BTBD9: variants seen among roughly 807,000 people sequenced by gnomAD.
BTBD9 encodes BTB domain containing 9.
In BTBD9, 49 loss-of-function variants were observed where a neutral mutation model predicts 64.3. That is an observed-to-expected ratio of 0.76 (90% CI 0.61 to 0.97). The LOEUF is 0.97. Among genes scored for constraint, BTBD9 ranks in the 50% least tolerant of loss-of-function variants. The pLI is 0.00. For missense variants in BTBD9, 598 were observed against 762.1 expected, an observed-to-expected ratio of 0.78 and a Z score of 2.53; for synonymous variants, 260 against 274.7, an observed-to-expected ratio of 0.95 and a Z score of 0.53.
intron 6 of BTBD9, among the ~76,000 whole-genome samples, chr6:38,505,524 A>G (rs990594508): frequency 2.0e-5 from 3 of 151,796 alleles, no homozygotes; most frequent in African/African-American, 7.3e-5. Context: ...CTCAAGAGGC[A>G]GAGGCAGAAG....
intron 8 of BTBD9, 115 bp downstream of exon 8, chr6:38,288,157 G>T: frequency 1.8e-6 from 2 of 1,112,808 alleles, no homozygotes; most frequent in Non-Finnish European, 2.6e-6. Context: ...GATACTTAGA[G>T]CAAAGAACAG....
At chr6:38,537,557 T>C (rs540079737) in intron 6 of BTBD9, among the ~76,000 whole-genome samples, 1 of 152,334 alleles carries the variant, frequency 6.6e-6, no homozygotes, top group South Asian at 2.1e-4. Flanking sequence ...CATATCTCTT[T>C]AATTTTTTAC....
At chr6:38,603,514 G>GA (rs1445044059) in intron 1 of BTBD9, among the ~76,000 whole-genome samples, 6 of 152,300 alleles carry the variant, frequency 3.9e-5, no homozygotes, top group African/African-American at 1.4e-4. Context: ...CCTTAAGGGG[G>GA]AAAAAACCAA....
At chr6:38,179,121 G>C (rs1029479970) in intron 10 of BTBD9, among the ~76,000 whole-genome samples, 1 of 152,152 alleles carries the variant, frequency 6.6e-6, no homozygotes, top group Admixed American at 6.5e-5. Flanking sequence ...AAAGAGCTGG[G>C]ATTACAGGCG....
rs1761388538 is a variant in BTBD9 at position 38,178,572 on chromosome 6, G to A, written c.1642-3390C>T. 2.0e-5 allele frequency among the ~76,000 whole-genome samples: 3 copies of A among 152,296 alleles called. No homozygotes were observed. In the South Asian group the frequency reaches 6.2e-4, roughly 32 times the overall value. The stretch of plus-strand genomic sequence containing the variant: ...GGGACCCAGCCAGGCAGGCGGTCAG[G>A]GAAGGCTTCCTGGGGGAGGAGACAT... On this transcript the variant is annotated intron_variant, in intron 10 of 10. Transcript: ENST00000481247.
At position 38,238,470 on chromosome 6, in the gene BTBD9, G is replaced by GTTTTTTTT. The variant is rs34641170; in HGVS notation, c.1562+17938_1562+17939insAAAAAAAA. ...ACAGTAAGCTGTTGCGGAGACCAAGGTTTTTTGTTTTTTTTTTTTTGAGAC... is the reference window on the plus strand; with the variant it reads ...ACAGTAAGCTGTTGCGGAGACCAAGGTTTTTTTTTTTTTTGTTTTTTTTTTTTTGAGAC... On this transcript the variant is annotated intron_variant, in intron 9 of 10. Coordinates refer to ENST00000481247, the MANE Select transcript of BTBD9 (RefSeq NM_001099272.2). Among the ~76,000 whole-genome samples, 5 of 127,990 alleles carry GTTTTTTTT rather than the reference G, an allele frequency of 3.9e-5. 1 individual carries two copies. Among genetic ancestry groups the GTTTTTTTT allele is most frequent in the Non-Finnish European group, 6.4e-5 (4 of 62,870 alleles). The allele number at this position is 127,990 out of a possible 152,430, so 84.0% of individuals were successfully genotyped here.
intron 8 of BTBD9, among the ~76,000 whole-genome samples, chr6:38,277,454 C>T (rs1012014268): frequency 1.3e-5 from 2 of 152,028 alleles, no homozygotes; most frequent in African/African-American, 2.4e-5. Flanking sequence ...TTGCCTTGGC[C>T]TCCTGAGTAG....
chr6:38,456,150 G>C lies in BTBD9; in HGVS notation c.1155-111057C>G, dbSNP rs189242300. Among the ~76,000 whole-genome samples the C allele has an allele frequency of 1.9e-3, 287 of 151,802 alleles. 4 individuals are homozygous for C. Among genetic ancestry groups the C allele is most frequent in the Non-Finnish European group, 8.7e-4 (59 of 67,972 alleles). ...TTACTGGCATGTGCCACCACGCCCTGCTAATTTTTGTATCTTTAGTAGACA... is the reference window on the plus strand; with the variant it reads ...TTACTGGCATGTGCCACCACGCCCTCCTAATTTTTGTATCTTTAGTAGACA... On this transcript the variant is annotated intron_variant, in intron 6 of 10. Transcript: ENST00000481247.
chr6:38,465,548 A>G (rs1001349590), intron 6 of BTBD9, among the ~76,000 whole-genome samples: 5 of 148,230 alleles, frequency 3.4e-5, no homozygotes, highest in Admixed American at 6.7e-5. Context: ...GGAGAATGGT[A>G]TGAAACCAGG....
At chr6:38,520,763 T>A (rs1314407156) in intron 6 of BTBD9, among the ~76,000 whole-genome samples, 7 of 151,374 alleles carry the variant, frequency 4.6e-5, no homozygotes, top group African/African-American at 1.7e-4. Context: ...AGAGACCACA[T>A]CTCTACTAAA....
chr6:38,615,350 TC>T (rs1389355668), intron 1 of BTBD9, among the ~76,000 whole-genome samples: 1 of 152,330 alleles, frequency 6.6e-6, no homozygotes, highest in East Asian at 1.9e-4. Flanking sequence ...GATCAGTCAC[TC>T]CATTGCTTAA....
At chr6:38,178,986 G>A (rs1761416951) in intron 10 of BTBD9, among the ~76,000 whole-genome samples, 1 of 152,096 alleles carries the variant, frequency 6.6e-6, no homozygotes, top group African/African-American at 2.4e-5. Context: ...CTAAGTAGCT[G>A]AGACTACAGG....
In BTBD9 at chr6:38,318,696, G is replaced by A. The variant is rs887431991; in HGVS notation, c.1264+26288C>T. 4.6e-5 allele frequency among the ~76,000 whole-genome samples: 7 copies of A among 152,324 alleles called. No homozygotes were observed. In the East Asian group the frequency reaches 1.3e-3, roughly 29 times the overall value. On this transcript the variant is annotated intron_variant, in intron 7 of 10. Transcript: ENST00000481247. ...AACACCGCTGTGGCCACCACTATTGGGGCTGTGCTAGGTCAGACCTGAGGC... is the reference window on the plus strand; with the variant it reads ...AACACCGCTGTGGCCACCACTATTGAGGCTGTGCTAGGTCAGACCTGAGGC...
At chr6:38,534,982 C>T (rs754985303) in intron 6 of BTBD9, among the ~76,000 whole-genome samples, 3 of 152,040 alleles carry the variant, frequency 2.0e-5, no homozygotes, top group Non-Finnish European at 4.4e-5. Flanking sequence ...CCCACTTTCA[C>T]CACTGTTATT....
chr6:38,239,860 T>C (rs9296239), intron 9 of BTBD9, among the ~76,000 whole-genome samples: 15,607 of 152,232 alleles, frequency 0.1, 1,196 homozygotes, highest in East Asian at 0.45. Context: ...GCTTATTATA[T>C]AGTATTACAT....
intron 7 of BTBD9, among the ~76,000 whole-genome samples, chr6:38,320,576 T>C (rs1348954128): frequency 6.6e-6 from 1 of 152,172 alleles, no homozygotes; most frequent in Non-Finnish European, 1.5e-5. Context: ...CTAACCTCAC[T>C]TCTGTAAACA....
At chr6:38,543,181 C>A (rs994367892) in intron 6 of BTBD9, among the ~76,000 whole-genome samples, 1 of 152,158 alleles carries the variant, frequency 6.6e-6, no homozygotes, top group South Asian at 2.1e-4. Flanking sequence ...TCTTCCCTGT[C>A]ATTCAGGTGT....
intron 6 of BTBD9, among the ~76,000 whole-genome samples, chr6:38,475,766 C>G (rs1187079919): frequency 6.6e-6 from 1 of 152,172 alleles, no homozygotes; most frequent in Non-Finnish European, 1.5e-5. Context: ...TGCTGCCATA[C>G]TTCCCAGTTT....
At chr6:38,205,333 C>T (rs956995495) in intron 9 of BTBD9, among the ~76,000 whole-genome samples, 17 of 152,094 alleles carry the variant, frequency 1.1e-4, no homozygotes, top group Non-Finnish European at 2.2e-4. Flanking sequence ...AAAAGCAGGT[C>T]ATCACAAAGA....
Sources: gnomAD v4.1 joint callset for allele counts (sites outside exome capture counted in the v4.1 genomes callset) on GRCh38, gnomAD v4.1.1 for gene constraint, MANE v1.5 for transcripts, NCBI Gene and HGNC (gene_info 2026-07-23, HGNC 2026-07-21) for gene names.